Variants in PARVB observed in about 807,000 individuals in gnomAD.
PARVB encodes the protein parvin beta.
Under a neutral mutation model 47.0 loss-of-function variants are expected in PARVB, and 46 were observed. The ratio of observed to expected loss-of-function variants is 0.98; its 90% CI spans 0.77 to 1.25. The LOEUF is 1.25. PARVB is among the 50% of genes most tolerant of loss of function. PARVB has a pLI of 0.00. For missense variants in PARVB, 473 were observed against 471.6 expected (o/e 1.00, Z -0.03); for synonymous variants, 196 against 196.3 (o/e 1.00, Z 0.01).
At chr22:44,146,294 C>CAA (rs2053674003) in intron 8 of PARVB, 1 of 69,146 alleles carries the variant, frequency 1.4e-5, no homozygotes, top group Non-Finnish European at 3.1e-5. Flanking sequence ...CACACAACCT[C>CAA]ACACGCACAC....
At chr22:44,082,854 C>T (rs150400379) in intron 1 of PARVB, among the ~76,000 whole-genome samples, 61 of 152,220 alleles carry the variant, frequency 4.0e-4, no homozygotes, top group African/African-American at 1.4e-3. Context: ...ACATGGGCTT[C>T]GGAGCTTTTT....
chr22:44,106,138 G>GGTTTT (rs1287678015), intron 3 of PARVB: 2 of 69,320 alleles, frequency 2.9e-5, no homozygotes, highest in African/African-American at 1.3e-4. Context: ...AGCCAGATGT[G>GGTTTT]TTTTTTTTTT....
At chr22:44,070,725 C>A (rs1275493850) in intron 1 of PARVB, among the ~76,000 whole-genome samples, 1 of 152,214 alleles carries the variant, frequency 6.6e-6, no homozygotes, top group Non-Finnish European at 1.5e-5. Context: ...GGTGATTGCG[C>A]ACAGAGTGCT....
At chr22:44,083,793 G>A (rs2051962550) in intron 1 of PARVB, among the ~76,000 whole-genome samples, 1 of 152,170 alleles carries the variant, frequency 6.6e-6, no homozygotes, top group South Asian at 2.1e-4. Flanking sequence ...TTACCCTGGA[G>A]CTGGTGGGAG....
At chr22:44,013,374 G>A (rs1182178831) in intron 2 of PARVB, among the ~76,000 whole-genome samples, 3 of 152,196 alleles carry the variant, frequency 2.0e-5, no homozygotes, top group Non-Finnish European at 2.9e-5. Flanking sequence ...ACACGTTTCA[G>A]TGGAACGTCT....
intron 3 of PARVB, among the ~76,000 whole-genome samples, chr22:44,117,457 C>T (rs943387754): frequency 1.1e-4 from 16 of 152,078 alleles, no homozygotes; most frequent in Non-Finnish European, 7.4e-5. Context: ...CAGGCCAGTG[C>T]TCTCCCTCCC....
chr22:44,097,317 C>G (rs2052331890), intron 2 of PARVB, among the ~76,000 whole-genome samples: 1 of 152,216 alleles, frequency 6.6e-6, no homozygotes, highest in African/African-American at 2.4e-5. Flanking sequence ...GGCCCAGGCC[C>G]CTCTGCTTTA....
chr22:44,015,635 A>G (rs534307353), intron 2 of PARVB, among the ~76,000 whole-genome samples: 14 of 152,294 alleles, frequency 9.2e-5, no homozygotes, highest in South Asian at 4.1e-4. Context: ...CCTGGCCAAC[A>G]TGGTGAAACC....
intron 8 of PARVB, chr22:44,146,738 G>C (rs1442426739): frequency 1.3e-5 from 2 of 152,374 alleles, no homozygotes; most frequent in Non-Finnish European, 2.9e-5. Flanking sequence ...CCACCCACTA[G>C]ACGGGTGGGA....
At chr22:44,053,724 C>T (rs966561951) in intron 1 of PARVB, among the ~76,000 whole-genome samples, 16 of 152,220 alleles carry the variant, frequency 1.1e-4, no homozygotes, top group Admixed American at 6.5e-5. Flanking sequence ...TCAGGGTTCC[C>T]ACAGCCCCAT....
intron 3 of PARVB, chr22:44,105,179 C>G (rs771880371): frequency 6.6e-6 from 1 of 152,254 alleles, no homozygotes; most frequent in East Asian, 1.9e-4. Context: ...TCATCTGTCT[C>G]CAGCCCCTCC....
In PARVB at chr22:44,040,533, G is replaced by A. The variant is rs558618149; in HGVS notation, c.112+16082G>A. 2.0e-5 allele frequency among the ~76,000 whole-genome samples: 3 copies of A among 152,266 alleles called. No homozygotes were observed. The South Asian group carries it at 6.2e-4, about 32-fold the overall frequency. On this transcript the variant is annotated intron_variant, in intron 1 of 12. Coordinates refer to ENST00000338758, the MANE Select transcript of PARVB (RefSeq NM_013327.5). ...GTCAGAGTCAGAGAGAAGTGACCAT[G>A]GAGGTGGAAGTTGCAATGATGTGGG...
chr22:44,058,318 C>T (rs2051352839), intron 1 of PARVB, among the ~76,000 whole-genome samples: 1 of 152,038 alleles, frequency 6.6e-6, no homozygotes, highest in Non-Finnish European at 1.5e-5. Context: ...TGATTTGTGG[C>T]CATGTCACTC....
chr22:44,004,404 C>A (rs759246169), intron 2 of PARVB, among the ~76,000 whole-genome samples: 4 of 152,112 alleles, frequency 2.6e-5, no homozygotes, highest in East Asian at 1.9e-4. Flanking sequence ...GTGACCCCCC[C>A]CTTACTCTCA....
rs1414518429 is a variant in PARVB, at chr22:44,170,343, G to A, written c.*1665G>A. On this transcript the variant is annotated 3_prime_UTR_variant, in exon 13 of 13. Transcript: ENST00000338758. ...AAGGGCTGCGGTCCTATTGGATTAG[G>A]GCCCACTTATATGACCTCATTTAAT... 4 of 151,952 alleles carry A rather than the reference G, an allele frequency of 2.6e-5. No homozygotes were observed. The highest frequency in any genetic ancestry group is 5.9e-5 in the Non-Finnish European group (4 of 67,994). 9.4% of individuals were successfully genotyped at this position (151,952 alleles called of 1,614,324 possible). A position where few individuals can be genotyped will look rare whatever the true frequency, so the allele number is the denominator to read the frequency against.
intron 8 of PARVB, chr22:44,147,587 T>G: frequency 1.6e-6 from 1 of 611,546 alleles, no homozygotes. Context: ...ATGTGTTTCA[T>G]ATGAGAAGGT....
At chr22:44,048,138 T>G (rs941738979) in intron 1 of PARVB, among the ~76,000 whole-genome samples, 2 of 151,940 alleles carry the variant, frequency 1.3e-5, no homozygotes, top group Non-Finnish European at 2.9e-5. Context: ...GAATGTGGAG[T>G]TGAGCTTCCT....
intron 1 of PARVB, among the ~76,000 whole-genome samples, chr22:44,077,041 C>T (rs1018140331): frequency 2.6e-5 from 4 of 152,176 alleles, no homozygotes; most frequent in African/African-American, 9.7e-5. Context: ...CGGGGCCAAG[C>T]AGCAGGTGCA....
intron 1 of PARVB, among the ~76,000 whole-genome samples, chr22:44,074,111 G>T (rs765932642): frequency 6.6e-6 from 1 of 152,214 alleles, no homozygotes; most frequent in South Asian, 2.1e-4. Context: ...TCTGAGGCAG[G>T]AGCCAGGGGT....
Sources: allele counts gnomAD v4.1 joint callset (sites outside exome capture counted in the v4.1 genomes callset), GRCh38; gene constraint gnomAD v4.1.1; transcripts MANE v1.5; gene names NCBI Gene and HGNC (gene_info 2026-07-23, HGNC 2026-07-21).